OPRM1: variants seen among roughly 807,000 people sequenced by gnomAD.
OPRM1 encodes opioid receptor mu 1, also known as mu-type opioid receptor.
Under a neutral mutation model 31.8 loss-of-function variants are expected in OPRM1, and 27 were observed. That is an observed-to-expected ratio of 0.85 (90% CI 0.63 to 1.17). The LOEUF (loss-of-function observed/expected upper bound fraction) is 1.17, where lower values mean the gene tolerates loss of function less well. Among genes scored for constraint, OPRM1 ranks in the 50% most tolerant of loss-of-function variants. The probability of loss-of-function intolerance (pLI) is 0.00; values close to 1 mark genes in which losing one functional copy is unlikely to be tolerated. For synonymous variants in OPRM1, 196 were observed against 189.9 expected, an observed-to-expected ratio of 1.03 and a Z score of -0.26; for missense variants, 536 against 511.1, an observed-to-expected ratio of 1.05 and a Z score of -0.47.
chr6:154,182,367 T>A (rs1488721877), intron 3 of OPRM1, among the ~76,000 whole-genome samples: 1 of 152,208 alleles, frequency 6.6e-6, no homozygotes, highest in Non-Finnish European at 1.5e-5. Context: ...TCTTTAATGG[T>A]TGTTTTGCTG....
chr6:154,011,109 T>A lies in OPRM1; in HGVS notation c.-1+91T>A. On this transcript the variant is annotated intron_variant, in intron 1 of 5. Transcript: ENST00000434900. ...GTAAGGGCTGCTTGACACTCATCTC[T>A]TAAATGCTATACATTCTACCTTGTC... is the stretch of plus-strand genomic sequence containing the variant. 8 of 1,122,972 alleles carry A rather than the reference T, an allele frequency of 7.1e-6. 1 individual carries two copies. In the South Asian group the frequency reaches 9.1e-5, roughly 13 times the overall value. The allele number at this position is 1,122,972 out of a possible 1,614,324, so 69.6% of individuals were successfully genotyped here. A position where few individuals can be genotyped will look rare whatever the true frequency, so the allele number is the denominator to read the frequency against.
At chr6:154,236,828 T>C (rs759244106) in intron 3 of OPRM1, among the ~76,000 whole-genome samples, 65 of 152,258 alleles carry the variant, frequency 4.3e-4, no homozygotes, top group Non-Finnish European at 7.2e-4. Context: ...AGAATTAAAA[T>C]TGGGTGCGTT....
chr6:154,090,947 T>C lies in OPRM1; in HGVS notation c.644-5T>C. On this transcript the variant is annotated splice_polypyrimidine_tract_variant and splice_region_variant and intron_variant, in intron 2 of 3. Transcript: ENST00000330432. ...TAATTTTTCCTTTAAATTCCTTTCT[T>C]CTAGGTTCCATAGATTGTACACTAA... 6.2e-7 allele frequency: 1 copy of C among 1,607,162 alleles called. No homozygotes were observed. Among genetic ancestry groups the C allele is most frequent in the Non-Finnish European group, 8.5e-7 (1 of 1,176,392 alleles).
At chr6:154,135,610 C>A (rs1433148194), downstream of OPRM1, among the ~76,000 whole-genome samples, 1 of 152,186 alleles carries the variant, frequency 6.6e-6, no homozygotes, top group Non-Finnish European at 1.5e-5. Context: ...ACTCTGTCTT[C>A]TTCCTAGTGG....
Position 154,130,207 on chromosome 6 carries a change from C to A in OPRM1, c.*11486C>A, listed in dbSNP as rs186427736. ...TTTTTTTGATGGAGTCTCACTCTGT[C>A]GCCCAGGCTGGAGTGCAGTGGCTCA... On this transcript the variant is annotated 3_prime_UTR_variant, in exon 4 of 4. Transcript: ENST00000330432. Among the ~76,000 whole-genome samples, 1 of 143,192 alleles carries A rather than the reference C, an allele frequency of 7.0e-6. No homozygotes were observed. The highest frequency in any genetic ancestry group is 2.6e-5 in the African/African-American group (1 of 38,578). The allele number at this position is 143,192 out of a possible 152,430, so 93.9% of individuals were successfully genotyped here.
At chr6:154,140,689 G>A (rs1231864715) in intron 3 of OPRM1, among the ~76,000 whole-genome samples, 1 of 152,086 alleles carries the variant, frequency 6.6e-6, no homozygotes, top group Non-Finnish European at 1.5e-5. Context: ...GCTCCAGATA[G>A]GGCAAAAGGA....
upstream of OPRM1, among the ~76,000 whole-genome samples, chr6:154,036,514 A>C (rs528452980): frequency 9.2e-5 from 14 of 152,120 alleles, no homozygotes; most frequent in Middle Eastern, 3.4e-3. Flanking sequence ...GAATAAAAAA[A>C]CAACTGTTTC....
intron 1 of OPRM1, among the ~76,000 whole-genome samples, chr6:154,047,597 C>T (rs906412510): frequency 3.9e-5 from 6 of 152,108 alleles, no homozygotes; most frequent in Admixed American, 1.3e-4. Flanking sequence ...AGTGAACTTT[C>T]GTAAACCAAT....
Position 154,168,586 on chromosome 6 carries a change from TATTA to T in OPRM1, c.1164+77130_1164+77133del, listed in dbSNP as rs972952717. On this transcript the variant is annotated intron_variant, in intron 3 of 3. Transcript: ENST00000337049. This position sits in a 1 kb window ranked among gnomAD's most constrained non-coding sequence, Gnocchi z 4.1. ...GGTTAGGACGTCAACATACGAATTT[TATTA>T]ATTAATTAATTAATTTTATTATTAT... 1.3e-5 allele frequency among the ~76,000 whole-genome samples: 2 copies of T among 152,038 alleles called. No individual in the cohort carries two copies. The highest frequency in any genetic ancestry group is 1.5e-5 in the Non-Finnish European group (1 of 68,008).
intron 1 of OPRM1, among the ~76,000 whole-genome samples, chr6:154,016,529 G>C (rs1389378181): frequency 6.6e-6 from 1 of 152,144 alleles, no homozygotes; most frequent in East Asian, 1.9e-4. Flanking sequence ...GGAAAAGGCA[G>C]TGAGTAAAGA....
At position 154,140,340 on chromosome 6, in the gene OPRM1, T is replaced by A. The variant is rs575744398; in HGVS notation, c.1164+48868T>A. On this transcript the variant is annotated intron_variant, in intron 3 of 3. Transcript: ENST00000337049. ...GCCGTTTATGTTATTTTATTTTTTT[T>A]TTTTTTTTGAGAAAGAGTCTCGCTC... Among the ~76,000 whole-genome samples, 12 of 152,058 alleles carry A rather than the reference T, an allele frequency of 7.9e-5. No individual in the cohort carries two copies. In the East Asian group the frequency reaches 1.9e-3, roughly 24 times the overall value.
rs1016796649 is a variant in OPRM1 at position 154,233,062 on chromosome 6, G to A, written c.1165-13631G>A. Among the ~76,000 whole-genome samples the A allele has an allele frequency of 1.1e-4, 16 of 150,024 alleles. No homozygotes were observed. The East Asian group carries it at 1.4e-3, about 13-fold the overall frequency. On this transcript the variant is annotated intron_variant, in intron 3 of 3. Coordinates refer to the OPRM1 transcript ENST00000337049. ...CATCTCACTGCAACCTCCGCCTCCC[G>A]GGTTCAAGTGATTCTTCTGCCTCAG...
At chr6:154,071,556 A>T (rs1289901385) in intron 1 of OPRM1, among the ~76,000 whole-genome samples, 3 of 145,494 alleles carry the variant, frequency 2.1e-5, no homozygotes, top group African/African-American at 8.4e-5. Context: ...TGTAGTTTTA[A>T]AAAAAAAATA....
chr6:154,204,738 C>T (rs1777349624), intron 3 of OPRM1, among the ~76,000 whole-genome samples: 1 of 152,166 alleles, frequency 6.6e-6, no homozygotes, highest in African/African-American at 2.4e-5. Context: ...CACCCCAGTC[C>T]ATCCTCCAAA....
At chr6:154,214,192 T>C in intron 3 of OPRM1, 2 of 1,493,600 alleles carry the variant, frequency 1.3e-6, no homozygotes, top group Admixed American at 3.3e-5. Flanking sequence ...CTTGCTAAAT[T>C]TTCAGAAATT....
At chr6:154,153,523 A>C (rs1189675563) in intron 3 of OPRM1, among the ~76,000 whole-genome samples, 1 of 152,162 alleles carries the variant, frequency 6.6e-6, no homozygotes, top group Non-Finnish European at 1.5e-5. Context: ...GTCTCTACTG[A>C]AAATACGAAA....
chr6:154,138,488 T>G lies in OPRM1; in HGVS notation c.1164+47016T>G, dbSNP rs142527986. Among the ~76,000 whole-genome samples, 153 of 152,292 alleles carry G rather than the reference T, an allele frequency of 1.0e-3. 1 individual carries two copies. Among genetic ancestry groups the G allele is most frequent in the African/African-American group, 3.5e-3 (144 of 41,558 alleles). On this transcript the variant is annotated intron_variant, in intron 3 of 3. Coordinates refer to the OPRM1 transcript ENST00000337049. ...CTCCCGGTAAGGCTCATGTGCCTGC[T>G]TTCTGGGTTGAGCATATGGAAGGAA... is the stretch of plus-strand genomic sequence containing the variant.
intron 3 of OPRM1, among the ~76,000 whole-genome samples, chr6:154,222,122 T>C (rs1778913076): frequency 6.6e-6 from 1 of 152,216 alleles, no homozygotes; most frequent in African/African-American, 2.4e-5. Flanking sequence ...AGAAATCTTA[T>C]TCAAGGCACC....
At position 154,130,405 on chromosome 6, in the gene OPRM1, T is replaced by A. The variant is rs1231583937; in HGVS notation, c.*11684T>A. ...GGATGGTTTCGATCTCCTGACCTCG[T>A]GATCTGCCTGCCTCGGCCTCCCAAA... On this transcript the variant is annotated 3_prime_UTR_variant, in exon 4 of 4. Transcript: ENST00000330432. 6.6e-6 allele frequency among the ~76,000 whole-genome samples: 1 copy of A among 152,128 alleles called. No homozygotes were observed. The highest frequency in any genetic ancestry group is 1.9e-4 in the East Asian group (1 of 5,188).
Sources: allele counts gnomAD v4.1 joint callset (sites outside exome capture counted in the v4.1 genomes callset), GRCh38; gene constraint gnomAD v4.1.1; non-coding constraint Gnocchi (gnomAD v3.1); transcripts MANE v1.5; gene names NCBI Gene and HGNC (gene_info 2026-07-23, HGNC 2026-07-21).